The following BIRC3 variants were observed in gnomAD, a reference collection of about 807,000 sequenced individuals.
The protein encoded by BIRC3 is baculoviral IAP repeat-containing protein 3.
BIRC3 carries 26 observed loss-of-function variants against 59.0 expected under a neutral mutation model. That is an observed-to-expected ratio of 0.44 (90% CI 0.32 to 0.61). BIRC3 has a LOEUF of 0.61. Ranked by LOEUF, BIRC3 falls within the 20% of genes least tolerant of loss-of-function variation. The probability of loss-of-function intolerance (pLI) is 0.04; values close to 1 mark genes in which losing one functional copy is unlikely to be tolerated. For synonymous variants in BIRC3, 243 were observed against 249.2 expected, an observed-to-expected ratio of 0.98 and a Z score of 0.24; for missense variants, 641 against 711.5, an observed-to-expected ratio of 0.90 and a Z score of 1.13.
At chr11:102,327,663 A>G (rs1187078843) in intron 3 of BIRC3, among the ~76,000 whole-genome samples, 1 of 152,118 alleles carries the variant, frequency 6.6e-6, no homozygotes, top group East Asian at 1.9e-4. Context: ...TAGCAGAAGC[A>G]TAATGTATCT....
Position 102,339,347 on chromosome 11 carries a change from C to T in BIRC3, c.*2245C>T, listed in dbSNP as rs776213862. On this transcript the variant is annotated 3_prime_UTR_variant, in exon 9 of 9. Coordinates refer to ENST00000263464, the MANE Select transcript of BIRC3 (RefSeq NM_001165.5). ...ACCCATTTATTCAAATATGTTATTTCCCTAAGTGTTATTTTGACATTTTGT... is the reference window on the plus strand; with the variant it reads ...ACCCATTTATTCAAATATGTTATTTTCCTAAGTGTTATTTTGACATTTTGT... 2.8e-5 allele frequency: 5 copies of T among 178,940 alleles called. No individual in the cohort carries two copies. Among genetic ancestry groups the T allele is most frequent in the Non-Finnish European group, 4.8e-5 (4 of 83,686 alleles). 11.1% of individuals were successfully genotyped at this position (178,940 alleles called of 1,614,324 possible).
Position 102,325,340 on chromosome 11 carries a change from A to G in BIRC3, c.831A>G (p.Ala277=). Residue 277 remains alanine (A), a synonymous_variant, in exon 2 of 9, where the codon GCA becomes GCG. Coordinates refer to ENST00000263464, the MANE Select transcript of BIRC3 (RefSeq NM_001165.5). ...TTCTAGTTAATCCTGAGCAGCTTGC[A>G]AGTGCGGGTTTTTATTATGTGGGTA... ...SSVLVNPEQL[A]SAGFYYVGNS... The G allele has an allele frequency of 6.3e-7, 1 of 1,598,868 alleles. No individual in the cohort carries two copies. Among genetic ancestry groups the G allele is most frequent in the Non-Finnish European group, 8.5e-7 (1 of 1,173,588 alleles).
In BIRC3 at chr11:102,324,966, G is replaced by T; in HGVS notation, c.457G>T (p.Asp153Tyr). 1 of 1,614,180 alleles carries T rather than the reference G, an allele frequency of 6.2e-7. No individual in the cohort carries two copies. The highest frequency in any genetic ancestry group is 8.5e-7 in the Non-Finnish European group (1 of 1,180,032). ...SNPVNSRANQ[D>Y]FSALMRSSYH... is the part of the protein sequence containing the mutation. ...TCCTGTAAACTCCAGAGCAAATCAAGATTTTTCTGCCTTGATGAGAAGTTC... is the reference window on the plus strand; with the variant it reads ...TCCTGTAAACTCCAGAGCAAATCAATATTTTTCTGCCTTGATGAGAAGTTC... The change falls in exon 2 of 9, where the codon GAT becomes TAT. Residue 153 changes from aspartate (D) to tyrosine (Y), a missense_variant. Coordinates refer to ENST00000263464, the MANE Select transcript of BIRC3 (RefSeq NM_001165.5).
At chr11:102,320,475 G>A (rs191694936) in intron 1 of BIRC3, 15 of 152,106 alleles carry the variant, frequency 9.9e-5, no homozygotes, top group African/African-American at 3.4e-4. Flanking sequence ...CCCAGTTTGA[G>A]GCTGGTCTCA....
Position 102,324,857 on chromosome 11 carries a change from A to G in BIRC3, c.348A>G (p.Ser116=). 6.8e-6 allele frequency: 11 copies of G among 1,614,222 alleles called. No individual in the cohort carries two copies. Among genetic ancestry groups the G allele is most frequent in the Non-Finnish European group, 9.3e-6 (11 of 1,180,032 alleles). The change falls in exon 2 of 9, where the codon TCA becomes TCG. Residue 116 remains serine (S), a synonymous_variant. Transcript: ENST00000263464. ...CCTCTCAGCCTACTTTTCCTTCTTC[A>G]GTAACAAATTCCACACACTCATTAC... ...EATSQPTFPS[S]VTNSTHSLLP...
Position 102,338,763 on chromosome 11 carries a change from T to A in BIRC3, c.*1661T>A, listed in dbSNP as rs929526993. 4.4e-5 allele frequency: 10 copies of A among 227,666 alleles called. No individual in the cohort carries two copies. The highest frequency in any genetic ancestry group is 1.8e-4 in the African/African-American group (8 of 44,988). The allele number at this position is 227,666 out of a possible 1,614,324, so 14.1% of individuals were successfully genotyped here. Reference sequence around the variant, plus strand: ...ATAGTTAGGTGAGGAAAGATTAGAGTACTATCTTTAAGATGTAAGTCTGGC... The same window carrying A: ...ATAGTTAGGTGAGGAAAGATTAGAGAACTATCTTTAAGATGTAAGTCTGGC... On this transcript the variant is annotated 3_prime_UTR_variant, in exon 9 of 9. Transcript: ENST00000263464.
chr11:102,328,759 T>A (rs1392288570), intron 4 of BIRC3, 138 bp from the exon 5 acceptor site: 2 of 265,310 alleles, frequency 7.5e-6, no homozygotes, highest in Non-Finnish European at 1.4e-5. Context: ...GGTTAAAAAA[T>A]TATTTTGCCA....
At chr11:102,334,805 G>A (rs532547240) in intron 6 of BIRC3, among the ~76,000 whole-genome samples, 17 of 152,274 alleles carry the variant, frequency 1.1e-4, no homozygotes, top group Admixed American at 2.0e-4. Context: ...CTTGTAGGAC[G>A]AGAAGGTAGT....
chr11:102,328,869 TATATATATA>T lies in BIRC3; in HGVS notation c.1033-27_1033-19del. On this transcript the variant is annotated intron_variant, in intron 4 of 8. Coordinates refer to ENST00000263464, the MANE Select transcript of BIRC3 (RefSeq NM_001165.5). ...ATTTCTATTTTAATTTATATATATA[TATATATATA>T]TATTTTTTTTTTCTGCAGCTGCTAT... The T allele has an allele frequency of 1.3e-6, 1 of 794,150 alleles. No homozygotes were observed. The highest frequency in any genetic ancestry group is 1.7e-6 in the Non-Finnish European group (1 of 595,672). 49.2% of individuals were successfully genotyped at this position (794,150 alleles called of 1,614,324 possible). A position where few individuals can be genotyped will look rare whatever the true frequency, so the allele number is the denominator to read the frequency against.
At position 102,325,228 on chromosome 11, in the gene BIRC3, A is replaced by G. The variant is rs2095311901; in HGVS notation, c.719A>G (p.Gln240Arg). The G allele has an allele frequency of 6.2e-7, 1 of 1,614,142 alleles. No homozygotes were observed. The highest frequency in any genetic ancestry group is 1.1e-5 in the South Asian group (1 of 91,074). Reference protein sequence around the residue: ...PKCPFIENQLQDTSRYTVSNL... With the variant: ...PKCPFIENQLRDTSRYTVSNL... Reference sequence around the variant, plus strand: ...TGCCCATTTATAGAAAATCAGCTTCAAGACACTTCAAGATACACAGTTTCT... The same window carrying G: ...TGCCCATTTATAGAAAATCAGCTTCGAGACACTTCAAGATACACAGTTTCT... Residue 240 changes from glutamine (Q) to arginine (R), a missense_variant, in exon 2 of 9, where the codon CAA becomes CGA. This residue lies in a region of BIRC3 where 329 missense variants were observed against 365.6 expected (regional missense o/e 0.90). Coordinates refer to ENST00000263464, the MANE Select transcript of BIRC3 (RefSeq NM_001165.5).
intron 1 of BIRC3, among the ~76,000 whole-genome samples, chr11:102,320,793 G>A (rs746694218): frequency 6.6e-6 from 1 of 152,172 alleles, no homozygotes; most frequent in African/African-American, 2.4e-5. Context: ...ATGACAAATA[G>A]CAACAGTCTG....
intron 1 of BIRC3, among the ~76,000 whole-genome samples, chr11:102,319,474 A>G (rs1951009617): frequency 6.6e-6 from 1 of 152,260 alleles, no homozygotes; most frequent in Admixed American, 6.5e-5. Flanking sequence ...TGGGATTAAG[A>G]ACAAGATTTC....
At chr11:102,325,431 T>C in intron 2 of BIRC3, 35 bp from the exon 3 acceptor site, 1 of 1,599,318 alleles carries the variant, frequency 6.3e-7, no homozygotes, top group Non-Finnish European at 8.5e-7. Context: ...GCAAATTATG[T>C]GTATTCATAA....
chr11:102,334,895 T>C (rs1483508242), intron 6 of BIRC3, among the ~76,000 whole-genome samples: 1 of 152,172 alleles, frequency 6.6e-6, no homozygotes, highest in East Asian at 1.9e-4. Flanking sequence ...GTAATGGCAA[T>C]ATGTCTAATT....
At chr11:102,326,345 G>C (rs1354933725) in intron 3 of BIRC3, among the ~76,000 whole-genome samples, 2 of 152,196 alleles carry the variant, frequency 1.3e-5, no homozygotes, top group African/African-American at 2.4e-5. Context: ...CATCTCATCT[G>C]TTTTAGTCGC....
chr11:102,326,458 G>A lies in BIRC3; in HGVS notation c.953+893G>A, dbSNP rs577131529. ...GCTTGCAAGTGTGGGTTTTTATCAC[G>A]TGGGTAAGAAACTTAATGTACTAAC... On this transcript the variant is annotated intron_variant, in intron 3 of 8. Coordinates refer to ENST00000263464, the MANE Select transcript of BIRC3 (RefSeq NM_001165.5). 2.0e-5 allele frequency among the ~76,000 whole-genome samples: 3 copies of A among 152,238 alleles called. 1 individual carries two copies. Among genetic ancestry groups the A allele is most frequent in the South Asian group, 4.1e-4 (2 of 4,828 alleles).
chr11:102,323,325 A>G lies in BIRC3; in HGVS notation c.-1185A>G, dbSNP rs975856324. On this transcript the variant is annotated 5_prime_UTR_variant, in exon 2 of 9. An upstream start codon of the reference 5' UTR is lost. Transcript: ENST00000263464. ...TTCCAAAAGTAACCTGAATATAGCA[A>G]TGAAGTTCAGTTTTGTTATTGGTAG... 7 of 193,450 alleles carry G rather than the reference A, an allele frequency of 3.6e-5. No homozygotes were observed. The highest frequency in any genetic ancestry group is 4.6e-5 in the African/African-American group (2 of 43,162). 12.0% of individuals were successfully genotyped at this position (193,450 alleles called of 1,614,324 possible). A position where few individuals can be genotyped will look rare whatever the true frequency, so the allele number is the denominator to read the frequency against.
intron 1 of BIRC3, among the ~76,000 whole-genome samples, 173 bp downstream of exon 1, chr11:102,317,744 T>G (rs2135778655): frequency 6.6e-6 from 1 of 152,302 alleles, no homozygotes; most frequent in Admixed American, 6.5e-5. Flanking sequence ...TGGGGCGCAG[T>G]TATCAAACAC....
chr11:102,321,249 T>C (rs976019230), intron 1 of BIRC3, among the ~76,000 whole-genome samples: 2 of 152,220 alleles, frequency 1.3e-5, no homozygotes, highest in Non-Finnish European at 2.9e-5. Context: ...TCTCTAAGTA[T>C]AAATAAATTT....
Sources: allele counts gnomAD v4.1 joint callset (sites outside exome capture counted in the v4.1 genomes callset), GRCh38; gene constraint gnomAD v4.1.1; regional missense constraint gnomAD v4.1.1; transcripts MANE v1.5; gene names NCBI Gene and HGNC (gene_info 2026-07-23, HGNC 2026-07-21).